CARF: variants seen among roughly 807,000 people sequenced by gnomAD.
The protein encoded by CARF is calcium-responsive transcription factor.
A neutral mutation model predicts 82.0 loss-of-function variants in CARF; 57 were observed. That is an observed-to-expected ratio of 0.70 (90% CI 0.56 to 0.87). The LOEUF is 0.87. Ranked by LOEUF, CARF falls within the 40% of genes least tolerant of loss-of-function variation. The pLI is 0.00. For synonymous variants in CARF, 268 were observed against 290.1 expected, an observed-to-expected ratio of 0.92 and a Z score of 0.77; for missense variants, 771 against 855.8, an observed-to-expected ratio of 0.90 and a Z score of 1.24.
At chr2:202,928,051 A>G (rs565407586) in intron 3 of CARF, among the ~76,000 whole-genome samples, 1 of 152,210 alleles carries the variant, frequency 6.6e-6, no homozygotes, top group South Asian at 2.1e-4. Flanking sequence ...CCAAAATGCT[A>G]GGATTACAGG....
chr2:202,923,007 T>C (rs910533607), intron 2 of CARF, among the ~76,000 whole-genome samples: 14 of 152,056 alleles, frequency 9.2e-5, no homozygotes, highest in Non-Finnish European at 1.9e-4. Flanking sequence ...TTTGGGAGGC[T>C]GAGGTGGGCG....
At chr2:202,957,940 T>C (rs1329388003) in intron 8 of CARF, among the ~76,000 whole-genome samples, 2 of 150,960 alleles carry the variant, frequency 1.3e-5, no homozygotes, top group East Asian at 3.9e-4. Flanking sequence ...CAAGACTCCA[T>C]CTCAAAAAAA....
At chr2:202,940,975 A>G (rs1260115511) in intron 3 of CARF, among the ~76,000 whole-genome samples, 1 of 151,892 alleles carries the variant, frequency 6.6e-6, no homozygotes, top group Non-Finnish European at 1.5e-5. Context: ...TACAGTATCT[A>G]TTTGCCATAT....
chr2:202,920,550 G>T (rs1186987423), intron 2 of CARF, among the ~76,000 whole-genome samples: 1 of 151,968 alleles, frequency 6.6e-6, no homozygotes, highest in Non-Finnish European at 1.5e-5. Flanking sequence ...TGATCTTGAT[G>T]TCATCATGTT....
intron 7 of CARF, among the ~76,000 whole-genome samples, chr2:202,955,281 G>T (rs2058983621): frequency 6.6e-6 from 1 of 152,092 alleles, no homozygotes; most frequent in Admixed American, 6.5e-5. Context: ...CCTTAATAAT[G>T]TTGCTTTTCA....
Position 202,974,382 on chromosome 2 carries a change from A to G in CARF, c.1380A>G (p.Arg460=), listed in dbSNP as rs1011732339. ...ELFKPDEVPE[R]HNLSFFPTVN... ...TCAAACCCGATGAGGTACCTGAAAG[A>G]CATAATTTATCTTTTTTTCCAACTG... Residue 460 remains arginine (R), a synonymous_variant, in exon 13 of 17, where the codon AGA becomes AGG. Transcript: ENST00000438828. 1.9e-6 allele frequency: 3 copies of G among 1,609,682 alleles called. No homozygotes were observed. Among genetic ancestry groups the G allele is most frequent in the Non-Finnish European group, 2.5e-6 (3 of 1,179,038 alleles).
intron 3 of CARF, among the ~76,000 whole-genome samples, chr2:202,929,784 G>A (rs1056673400): frequency 9.2e-5 from 14 of 151,840 alleles, no homozygotes; most frequent in Non-Finnish European, 1.5e-4. Context: ...TAAGAGATAG[G>A]GTCTTGCTAC....
At chr2:202,934,741 C>T (rs1300350756) in intron 3 of CARF, 1 of 152,186 alleles carries the variant, frequency 6.6e-6, no homozygotes, top group Non-Finnish European at 1.5e-5. Flanking sequence ...AGGCATGAGC[C>T]ACTGCACCTG....
At chr2:202,932,312 G>C (rs1693085103) in intron 3 of CARF, among the ~76,000 whole-genome samples, 1 of 152,172 alleles carries the variant, frequency 6.6e-6, no homozygotes, top group Non-Finnish European at 1.5e-5. Flanking sequence ...TGGCACCTGA[G>C]TTTTGGGGTA....
At chr2:202,952,351 C>A (rs1288926881) in intron 5 of CARF, among the ~76,000 whole-genome samples, 2 of 152,096 alleles carry the variant, frequency 1.3e-5, no homozygotes, top group Non-Finnish European at 2.9e-5. Context: ...GTCAAATTGC[C>A]TGTTTTTAAT....
intron 3 of CARF, among the ~76,000 whole-genome samples, chr2:202,931,352 G>A (rs1692906567): frequency 6.6e-6 from 1 of 152,160 alleles, no homozygotes; most frequent in Admixed American, 6.5e-5. Context: ...AAAACTATAT[G>A]TTAATTGACT....
intron 2 of CARF, among the ~76,000 whole-genome samples, chr2:202,922,592 C>T (rs1277000133): frequency 6.6e-6 from 1 of 152,086 alleles, no homozygotes; most frequent in Non-Finnish European, 1.5e-5. Context: ...CACCTTAGGT[C>T]CAGAGTTTCA....
Position 202,966,983 on chromosome 2 carries a change from A to G in CARF, c.838A>G (p.Arg280Gly). 6 of 1,613,696 alleles carry G rather than the reference A, an allele frequency of 3.7e-6. No individual in the cohort carries two copies. Among genetic ancestry groups the G allele is most frequent in the Non-Finnish European group, 5.1e-6 (6 of 1,179,754 alleles). The change falls in exon 10 of 17, where the codon AGA becomes GGA. Residue 280 changes from arginine to glycine, a missense_variant. Physicochemically the swap from Arg to Gly is moderately radical, Grantham distance 125. Coordinates refer to ENST00000438828, the MANE Select transcript of CARF (RefSeq NM_024744.17). The stretch of plus-strand genomic sequence containing the variant: ...TAGTTGGTTTTGGCCCACAGGGAGT[A>G]GAGCTGTGGTAATGGAGTGTCAGTA... ...DGIPFVNAGS[R>G]AVVMECQYGP...
chr2:202,981,558 A>AT lies in CARF; in HGVS notation c.1564dup (p.Ser522PhefsTer22). 2 of 1,586,256 alleles carry AT rather than the reference A, an allele frequency of 1.3e-6. No homozygotes were observed. ...TAGTTTCTTTAATATAATTTAGGAAATTCACCAGGAGAATCAATTACCACC... is the reference window on the plus strand; with the variant it reads ...TAGTTTCTTTAATATAATTTAGGAAATTTCACCAGGAGAATCAATTACCACC... On this transcript the variant is annotated frameshift_variant, in exon 15 of 17. Coordinates refer to ENST00000438828, the MANE Select transcript of CARF (RefSeq NM_024744.17). LOFTEE classifies it high-confidence loss of function.
chr2:202,918,794 C>T (rs1000236425), intron 2 of CARF, among the ~76,000 whole-genome samples: 1 of 152,136 alleles, frequency 6.6e-6, no homozygotes, highest in South Asian at 2.1e-4. Flanking sequence ...TTTTAATCTT[C>T]ATTTCAACAA....
intron 13 of CARF, among the ~76,000 whole-genome samples, chr2:202,975,569 T>G (rs2059991580): frequency 2.0e-5 from 3 of 152,222 alleles, no homozygotes; most frequent in South Asian, 4.1e-4. Flanking sequence ...ATAGCGCCAC[T>G]GCACTCCAGC....
chr2:202,964,896 T>TATATATAC (rs2059483776), intron 9 of CARF, among the ~76,000 whole-genome samples: 2 of 148,716 alleles, frequency 1.3e-5, no homozygotes, highest in South Asian at 4.2e-4. Context: ...TATATATATA[T>TATATATAC]ATATACACAC....
At position 202,985,835 on chromosome 2, in the gene CARF, T is replaced by A. The variant is rs1020965158; in HGVS notation, c.*2211T>A. 2.6e-5 allele frequency: 4 copies of A among 152,144 alleles called. No homozygotes were observed. The highest frequency in any genetic ancestry group is 9.6e-5 in the African/African-American group (4 of 41,462). 9.4% of individuals were successfully genotyped at this position (152,144 alleles called of 1,614,324 possible). On this transcript the variant is annotated 3_prime_UTR_variant, in exon 17 of 17. Transcript: ENST00000438828. ...TTGGAGACATTCCTTTCTTTTTTGA[T>A]GTTGATTTGCAAAGGAGAAATGCTT...
At chr2:202,928,116 C>G (rs1193545557) in intron 3 of CARF, among the ~76,000 whole-genome samples, 1 of 152,152 alleles carries the variant, frequency 6.6e-6, no homozygotes, top group African/African-American at 2.4e-5. Context: ...AACCATTTGG[C>G]TGTTCCCTTC....
Sources: allele counts gnomAD v4.1 joint callset (sites outside exome capture counted in the v4.1 genomes callset), GRCh38; gene constraint gnomAD v4.1.1; transcripts MANE v1.5; gene names NCBI Gene and HGNC (gene_info 2026-07-23, HGNC 2026-07-21).